The following CD86 variants were observed in gnomAD, a reference collection of about 807,000 sequenced individuals.
CD86 encodes the protein T-lymphocyte activation antigen CD86.
A neutral mutation model predicts 32.1 loss-of-function variants in CD86; 11 were observed. The observed-to-expected ratio is 0.34, with a 90% CI of 0.22 to 0.57. The LOEUF (loss-of-function observed/expected upper bound fraction) is 0.57. CD86 is among the 20% of genes least tolerant of loss of function. CD86 has a pLI of 0.86. For synonymous variants in CD86, 137 were observed against 135.3 expected, an observed-to-expected ratio of 1.01 and a Z score of -0.09; for missense variants, 359 against 398.4, an observed-to-expected ratio of 0.90 and a Z score of 0.84.
At chr3:122,090,885 C>T (rs1170384514) in intron 1 of CD86, among the ~76,000 whole-genome samples, 1 of 152,184 alleles carries the variant, frequency 6.6e-6, no homozygotes, top group African/African-American at 2.4e-5. Context: ...TTGTCATCAC[C>T]TTATGTTGTT....
intron 6 of CD86, among the ~76,000 whole-genome samples, chr3:122,119,160 T>G (rs774721043): frequency 1.3e-4 from 20 of 152,182 alleles, no homozygotes; most frequent in Non-Finnish European, 2.2e-4. Context: ...ACACTCAGTT[T>G]CAGAAATGGT....
intron 2 of CD86, among the ~76,000 whole-genome samples, chr3:122,102,406 CTTT>C (rs1011413952): frequency 2.8e-4 from 16 of 56,156 alleles, no homozygotes; most frequent in African/African-American, 1.0e-3. Flanking sequence ...CCACTGCTTA[CTTT>C]TTTTTTTTTT....
At chr3:122,071,911 G>C (rs1390648061) in intron 1 of CD86, among the ~76,000 whole-genome samples, 1 of 122,838 alleles carries the variant, frequency 8.1e-6, no homozygotes, top group Non-Finnish European at 1.6e-5. Context: ...CCCAGAGTGT[G>C]ATGTTCCCCT....
intron 1 of CD86, among the ~76,000 whole-genome samples, chr3:122,059,207 A>C (rs1018817235): frequency 2.0e-5 from 3 of 152,166 alleles, no homozygotes; most frequent in African/African-American, 7.2e-5. Context: ...CTGCATAAGT[A>C]TGGTTGACAG....
At chr3:122,104,476 CA>C (rs1257229891) in intron 3 of CD86, among the ~76,000 whole-genome samples, 1 of 152,140 alleles carries the variant, frequency 6.6e-6, no homozygotes, top group Non-Finnish European at 1.5e-5. Context: ...AACTATCACA[CA>C]GTAAAATTAT....
chr3:122,087,390 T>G (rs1395041085), intron 1 of CD86, among the ~76,000 whole-genome samples: 1 of 152,160 alleles, frequency 6.6e-6, no homozygotes, highest in African/African-American at 2.4e-5. Context: ...GAGAAAGTTA[T>G]GGCTTCTGGT....
At chr3:122,091,773 A>T in intron 2 of CD86, 123 bp downstream of exon 2, 1 of 754,580 alleles carries the variant, frequency 1.3e-6, no homozygotes, top group South Asian at 1.6e-5. Context: ...ATTGTACAAG[A>T]CCACATGCAA....
intron 2 of CD86, among the ~76,000 whole-genome samples, chr3:122,095,637 C>T (rs547350554): frequency 6.6e-6 from 1 of 152,326 alleles, no homozygotes; most frequent in South Asian, 2.1e-4. Flanking sequence ...AAACCATCAC[C>T]TGGAGGTGAA....
At chr3:122,116,576 A>T (rs1160115540) in intron 5 of CD86, among the ~76,000 whole-genome samples, 4 of 152,212 alleles carry the variant, frequency 2.6e-5, no homozygotes, top group East Asian at 1.9e-4. Context: ...CAGAAATTTT[A>T]AAAAATTTAA....
At chr3:122,076,159 A>C (rs1384837475) in intron 1 of CD86, among the ~76,000 whole-genome samples, 2 of 152,218 alleles carry the variant, frequency 1.3e-5, no homozygotes, top group African/African-American at 2.4e-5. Flanking sequence ...TTTTTTCTAA[A>C]TAGATTTACT....
intron 1 of CD86, chr3:122,086,710 T>G: frequency 2.3e-6 from 1 of 431,642 alleles, no homozygotes; most frequent in Non-Finnish European, 4.7e-6. Context: ...GAAACCCTCT[T>G]GATGCAAAGG....
At chr3:122,092,652 C>T (rs1219488117) in intron 2 of CD86, among the ~76,000 whole-genome samples, 1 of 152,166 alleles carries the variant, frequency 6.6e-6, no homozygotes, top group Non-Finnish European at 1.5e-5. Flanking sequence ...CTCGTAGTTA[C>T]TCCTGGCCCA....
chr3:122,066,926 T>G (rs2072421798), intron 1 of CD86, among the ~76,000 whole-genome samples: 1 of 152,058 alleles, frequency 6.6e-6, no homozygotes, highest in Non-Finnish European at 1.5e-5. Context: ...AAAAGAGGGT[T>G]CAGGCTCCAA....
chr3:122,063,417 A>G, intron 1 of CD86, among the ~76,000 whole-genome samples: 1 of 152,200 alleles, frequency 6.6e-6, no homozygotes, highest in Non-Finnish European at 1.5e-5. Flanking sequence ...GAAAAATAAG[A>G]ATCAACCTAA....
intron 1 of CD86, among the ~76,000 whole-genome samples, chr3:122,089,730 A>T (rs1025625326): frequency 6.6e-6 from 1 of 152,254 alleles, no homozygotes; most frequent in Non-Finnish European, 1.5e-5. Context: ...GTGATATGGC[A>T]TATAATCAAG....
intron 6 of CD86, among the ~76,000 whole-genome samples, chr3:122,118,999 G>A (rs1465111697): frequency 6.6e-6 from 1 of 152,176 alleles, no homozygotes; most frequent in Admixed American, 6.5e-5. Flanking sequence ...TGGTTTCAGA[G>A]ATAGGGTCAT....
chr3:122,098,661 C>T (rs1008705824), intron 2 of CD86, among the ~76,000 whole-genome samples: 5 of 152,110 alleles, frequency 3.3e-5, no homozygotes, highest in East Asian at 3.8e-4. Context: ...AAACTAGACC[C>T]GGGGACAAGG....
intron 1 of CD86, among the ~76,000 whole-genome samples, chr3:122,069,871 C>G (rs1559898528): frequency 6.6e-6 from 1 of 152,180 alleles, no homozygotes; most frequent in Non-Finnish European, 1.5e-5. Flanking sequence ...AGCCTGAGCT[C>G]TATCCTGAGC....
At chr3:122,074,115 C>T (rs1330589913) in intron 1 of CD86, among the ~76,000 whole-genome samples, 3 of 152,192 alleles carry the variant, frequency 2.0e-5, no homozygotes, top group African/African-American at 7.2e-5. Flanking sequence ...TGCCCCCATG[C>T]CACAGTGGGG....
Sources: gnomAD v4.1 joint callset for allele counts (sites outside exome capture counted in the v4.1 genomes callset) on GRCh38, gnomAD v4.1.1 for gene constraint, MANE v1.5 for transcripts, NCBI Gene and HGNC (gene_info 2026-07-23, HGNC 2026-07-21) for gene names.